Variants in SLA observed in about 807,000 individuals in gnomAD.
SLA encodes src-like-adapter.
In SLA, 16 loss-of-function variants were observed where a neutral mutation model predicts 30.3. The ratio of observed to expected loss-of-function variants is 0.53; its 90% CI spans 0.36 to 0.80. The LOEUF (loss-of-function observed/expected upper bound fraction) is 0.80, where lower values mean the gene tolerates loss of function less well. Among genes scored for constraint, SLA ranks in the 30% least tolerant of loss-of-function variants. SLA has a pLI of 0.01. For missense variants in SLA, 310 were observed against 345.2 expected, an observed-to-expected ratio of 0.90 and a Z score of 0.81; for synonymous variants, 143 against 137.8, an observed-to-expected ratio of 1.04 and a Z score of -0.26.
chr8:133,070,387 CAA>C (rs1457139320), intron 2 of SLA, among the ~76,000 whole-genome samples: 2 of 152,166 alleles, frequency 1.3e-5, no homozygotes, highest in Non-Finnish European at 2.9e-5. Flanking sequence ...GTTTTCAAAA[CAA>C]AAGAGACTAA....
At chr8:133,068,119 C>T (rs1179596450) in intron 2 of SLA, among the ~76,000 whole-genome samples, 2 of 152,192 alleles carry the variant, frequency 1.3e-5, no homozygotes, top group East Asian at 3.9e-4. Context: ...AAAGTAGCAA[C>T]TCAACACTCT....
intron 1 of SLA, among the ~76,000 whole-genome samples, chr8:133,093,060 C>G (rs1346293725): frequency 2.6e-5 from 4 of 152,030 alleles, no homozygotes; most frequent in African/African-American, 4.8e-5. Flanking sequence ...GGCCCTTCTG[C>G]TGTTTGCTAT....
intron 5 of SLA, 177 bp downstream of exon 5, chr8:133,049,725 A>T: frequency 1.2e-5 from 7 of 607,306 alleles, no homozygotes; most frequent in Non-Finnish European, 2.1e-5. Context: ...CAGAGAGCAG[A>T]AGAGATAAGT....
In SLA at chr8:133,101,888, C is replaced by G. The variant is rs867241146; in HGVS notation, c.-319+665G>C. Among the ~76,000 whole-genome samples, 19 of 152,184 alleles carry G rather than the reference C, an allele frequency of 1.2e-4. 1 individual carries two copies. The highest frequency in any genetic ancestry group is 3.9e-4 in the African/African-American group (16 of 41,436). On this transcript the variant is annotated intron_variant, in intron 1 of 8. Coordinates refer to ENST00000338087, the MANE Select transcript of SLA (RefSeq NM_001045556.3). ...CAGGAACTGACCAGGACCCCGCTCC[C>G]TTGGTCATGTGTCAACACAGCAGGG...
chr8:133,040,077 T>A lies in SLA; in HGVS notation c.538A>T (p.Thr180Ser). The A allele has an allele frequency of 6.4e-7, 1 of 1,560,620 alleles. No individual in the cohort carries two copies. Among genetic ancestry groups the A allele is most frequent in the Non-Finnish European group, 8.7e-7 (1 of 1,151,936 alleles). The change falls in exon 8 of 9, where the codon ACG becomes TCG. Residue 180 changes from threonine to serine, a missense_variant. Thr to Ser is a moderately conservative substitution (Grantham distance 58). Transcript: ENST00000338087. ...VLTTPCLTQS[T>S]AAPAVRASSS... ...GAGGCCCTCACTGCTGGGGCAGCCG[T>A]GCTTTGTGTCAGGCAGGGCGTGGTG...
At chr8:133,048,188 C>A (rs1326565840) in intron 5 of SLA, among the ~76,000 whole-genome samples, 1 of 152,046 alleles carries the variant, frequency 6.6e-6, no homozygotes, top group Non-Finnish European at 1.5e-5. Context: ...AATTCCATAA[C>A]CACCTCACTT....
chr8:133,076,048 G>A (rs1588008015), intron 1 of SLA: 1 of 152,138 alleles, frequency 6.6e-6, no homozygotes, highest in African/African-American at 2.4e-5. Flanking sequence ...GGCACATGGG[G>A]CTTCAGAGCT....
chr8:133,081,684 G>T (rs1030701375), intron 1 of SLA, among the ~76,000 whole-genome samples: 3 of 152,100 alleles, frequency 2.0e-5, no homozygotes, highest in African/African-American at 7.2e-5. Flanking sequence ...TTCTGTCATT[G>T]CTCAACCTAG....
chr8:133,039,235 A>G (rs980862001), intron 8 of SLA, among the ~76,000 whole-genome samples: 3 of 152,176 alleles, frequency 2.0e-5, no homozygotes, highest in Admixed American at 6.5e-5. Context: ...TCTAACTGCA[A>G]TTATTCTAAC....
intron 1 of SLA, among the ~76,000 whole-genome samples, chr8:133,101,753 T>C (rs959157551): frequency 3.9e-5 from 6 of 152,220 alleles, no homozygotes; most frequent in African/African-American, 9.6e-5. Context: ...TGAAACACCA[T>C]TGATACATAC....
intron 1 of SLA, among the ~76,000 whole-genome samples, chr8:133,098,310 C>G (rs1848739118): frequency 6.6e-6 from 1 of 152,078 alleles, no homozygotes; most frequent in African/African-American, 2.4e-5. Context: ...TGTACTAATA[C>G]CCTGAATTAT....
intron 6 of SLA, 56 bp downstream of exon 6, chr8:133,047,774 G>A (rs746830643): frequency 2.0e-6 from 2 of 977,450 alleles, no homozygotes; most frequent in East Asian, 4.8e-5. Context: ...AGTCAGCCAG[G>A]AGCAAAACAT....
intron 3 of SLA, among the ~76,000 whole-genome samples, chr8:133,053,226 T>A (rs1447771262): frequency 6.6e-6 from 1 of 152,148 alleles, no homozygotes; most frequent in Non-Finnish European, 1.5e-5. Flanking sequence ...CCCCTAAGAT[T>A]TTCCTCTGAA....
At chr8:133,089,952 G>A (rs867047745) in intron 1 of SLA, 1 of 152,048 alleles carries the variant, frequency 6.6e-6, no homozygotes, top group Admixed American at 6.6e-5. Flanking sequence ...TCCCTCCCCT[G>A]AATTCCCAAA....
chr8:133,065,487 C>T (rs1842912500), intron 2 of SLA, among the ~76,000 whole-genome samples: 1 of 152,264 alleles, frequency 6.6e-6, no homozygotes, highest in Admixed American at 6.5e-5. Context: ...TCAGGCCGGG[C>T]GCGGTGGCTC....
At chr8:133,053,873 A>C (rs1381738070) in intron 3 of SLA, among the ~76,000 whole-genome samples, 2 of 152,356 alleles carry the variant, frequency 1.3e-5, no homozygotes, top group East Asian at 3.9e-4. Context: ...CTTAAACATC[A>C]CTGAGGAAAC....
intron 1 of SLA, chr8:133,087,668 T>C (rs1369516847): frequency 2.6e-5 from 4 of 152,224 alleles, no homozygotes; most frequent in African/African-American, 4.8e-5. Flanking sequence ...CAAGTTAGAA[T>C]AGTCTAAAAA....
chr8:133,050,793 C>T (rs1243233631), intron 4 of SLA, 23 bp downstream of exon 4: 1 of 1,467,128 alleles, frequency 6.8e-7, no homozygotes, highest in Non-Finnish European at 9.6e-7. Context: ...GAAGATTGCA[C>T]AAGTTTTGGA....
intron 1 of SLA, among the ~76,000 whole-genome samples, chr8:133,100,510 A>G (rs1849076540): frequency 6.6e-6 from 1 of 152,240 alleles, no homozygotes; most frequent in South Asian, 2.1e-4. Context: ...ATTATGAAGA[A>G]CTGACTATGT....
Sources: gnomAD v4.1 joint callset for allele counts (sites outside exome capture counted in the v4.1 genomes callset) on GRCh38, gnomAD v4.1.1 for gene constraint, MANE v1.5 for transcripts, NCBI Gene and HGNC (gene_info 2026-07-23, HGNC 2026-07-21) for gene names.